Variants in SEMA5A observed in about 807,000 individuals in gnomAD.
SEMA5A encodes the protein semaphorin 5A.
Under a neutral mutation model 135.5 loss-of-function variants are expected in SEMA5A, and 55 were observed. That is an observed-to-expected ratio of 0.41 (90% CI 0.33 to 0.51). The LOEUF (loss-of-function observed/expected upper bound fraction) is 0.51. Ranked by LOEUF, SEMA5A falls within the 20% of genes least tolerant of loss-of-function variation. The pLI is 0.37. For synonymous variants in SEMA5A, 580 were observed against 546.5 expected (o/e 1.06, Z -0.85); for missense variants, 1,290 against 1,419.9 (o/e 0.91, Z 1.47).
At chr5:9,466,385 A>T (rs1322415845) in intron 1 of SEMA5A, among the ~76,000 whole-genome samples, 35 of 5,672 alleles carry the variant, frequency 6.2e-3, no homozygotes, top group East Asian at 0.037. Context: ...TAAAATTTAA[A>T]AAAAAAAAAA....
intron 1 of SEMA5A, among the ~76,000 whole-genome samples, chr5:9,451,766 T>C (rs1395035984): frequency 1.3e-5 from 2 of 152,168 alleles, no homozygotes; most frequent in Non-Finnish European, 2.9e-5. Context: ...GGGTAAGAAA[T>C]GGCCCAGGTT....
intron 12 of SEMA5A, among the ~76,000 whole-genome samples, chr5:9,150,018 A>C (rs1161155642): frequency 6.6e-6 from 1 of 152,150 alleles, no homozygotes; most frequent in Non-Finnish European, 1.5e-5. Flanking sequence ...TAATTTATTC[A>C]TTGTAGAGAC....
At chr5:9,196,944 T>A (rs1745417911) in intron 10 of SEMA5A, among the ~76,000 whole-genome samples, 1 of 152,192 alleles carries the variant, frequency 6.6e-6, no homozygotes, top group Admixed American at 6.5e-5. Flanking sequence ...GTCTCAGGCA[T>A]CACAGCTGAC....
chr5:9,254,555 G>A (rs983651350), intron 5 of SEMA5A, among the ~76,000 whole-genome samples: 13 of 152,154 alleles, frequency 8.5e-5, no homozygotes, highest in Non-Finnish European at 1.6e-4. Flanking sequence ...GGAATAAGCA[G>A]ATCTTGAAGC....
chr5:9,053,468 C>G (rs1736708452), intron 19 of SEMA5A, among the ~76,000 whole-genome samples: 1 of 152,156 alleles, frequency 6.6e-6, no homozygotes, highest in Admixed American at 6.5e-5. Context: ...AATTGCACTA[C>G]CTCTAAATTA....
At chr5:9,323,878 T>G (rs1752748910) in intron 4 of SEMA5A, among the ~76,000 whole-genome samples, 3 of 151,630 alleles carry the variant, frequency 2.0e-5, no homozygotes, top group Admixed American at 2.0e-4. Flanking sequence ...GCCAGGCTGG[T>G]CTTGAACTCC....
chr5:9,068,877 A>G (rs900393084), intron 16 of SEMA5A, among the ~76,000 whole-genome samples: 5 of 152,180 alleles, frequency 3.3e-5, no homozygotes, highest in Admixed American at 1.3e-4. Flanking sequence ...ACGGTAAAAG[A>G]CTACAAAGCA....
intron 1 of SEMA5A, among the ~76,000 whole-genome samples, chr5:9,544,348 A>T (rs1738254873): frequency 6.6e-6 from 1 of 152,226 alleles, no homozygotes; most frequent in South Asian, 2.1e-4. Flanking sequence ...AGTAAATGTA[A>T]CAGTCACAAG....
intron 11 of SEMA5A, among the ~76,000 whole-genome samples, chr5:9,168,327 A>C (rs1254960697): frequency 4.6e-5 from 7 of 152,130 alleles, no homozygotes; most frequent in African/African-American, 1.7e-4. Flanking sequence ...GGTGACTCTA[A>C]CTCAAAGGAT....
intron 15 of SEMA5A, among the ~76,000 whole-genome samples, chr5:9,110,136 A>T (rs1342771769): frequency 6.6e-6 from 1 of 152,216 alleles, no homozygotes; most frequent in East Asian, 1.9e-4. Flanking sequence ...ATTGAGAAGA[A>T]CAAAACATAA....
chr5:9,125,418 C>T (rs1294303683), intron 13 of SEMA5A, among the ~76,000 whole-genome samples: 2 of 152,164 alleles, frequency 1.3e-5, no homozygotes, highest in African/African-American at 4.8e-5. Flanking sequence ...TGGTGGTTTG[C>T]TGCATCTATC....
chr5:9,290,394 T>A (rs937167411), intron 5 of SEMA5A, among the ~76,000 whole-genome samples: 1 of 152,246 alleles, frequency 6.6e-6, no homozygotes, highest in Non-Finnish European at 1.5e-5. Flanking sequence ...CATTCATTTT[T>A]ATGATATACA....
chr5:9,164,922 A>G (rs1353817450), intron 11 of SEMA5A, among the ~76,000 whole-genome samples: 1 of 152,240 alleles, frequency 6.6e-6, no homozygotes, highest in African/African-American at 2.4e-5. Flanking sequence ...GAAAGGAAAC[A>G]CAGTGAATCC....
At chr5:9,339,641 T>C (rs1026077273) in intron 3 of SEMA5A, among the ~76,000 whole-genome samples, 20 of 152,064 alleles carry the variant, frequency 1.3e-4, no homozygotes, top group African/African-American at 4.3e-4. Context: ...GAAAAAGTAA[T>C]AGCAACTTAA....
chr5:9,394,483 G>C (rs917751590), intron 2 of SEMA5A, among the ~76,000 whole-genome samples: 1 of 152,114 alleles, frequency 6.6e-6, no homozygotes, highest in African/African-American at 2.4e-5. Context: ...CCAGAGCCTG[G>C]CCTGCTTGTT....
At chr5:9,070,417 T>C (rs1203912485) in intron 16 of SEMA5A, among the ~76,000 whole-genome samples, 1 of 152,182 alleles carries the variant, frequency 6.6e-6, no homozygotes, top group Non-Finnish European at 1.5e-5. Context: ...GGGCCTCTGT[T>C]TGAAAAGTGC....
chr5:9,282,611 A>G lies in SEMA5A; in HGVS notation c.270+35761T>C, dbSNP rs59206354. On this transcript the variant is annotated intron_variant, in intron 5 of 22. Coordinates refer to ENST00000382496, the MANE Select transcript of SEMA5A (RefSeq NM_003966.3). The stretch of plus-strand genomic sequence containing the variant: ...ACTTTTTCTAGAAAATAAGAAAAAA[A>G]CAGTATAATCTCAGAGGTTCACGGA... Among the ~76,000 whole-genome samples the G allele has an allele frequency of 5.7e-3, 868 of 152,342 alleles. 10 individuals are homozygous for G. Among genetic ancestry groups the G allele is most frequent in the African/African-American group, 0.02 (829 of 41,570 alleles).
In SEMA5A at chr5:9,107,866, T is replaced by C. The variant is rs1740006865; in HGVS notation, c.2073+274A>G. On this transcript the variant is annotated intron_variant, in intron 16 of 22. Transcript: ENST00000382496. The stretch of plus-strand genomic sequence containing the variant: ...CCTGGTACCTCCAGAGCATCTATTG[T>C]ATGGGGAACATCCAGTGTCTGGACA... Among the ~76,000 whole-genome samples, 4 of 152,184 alleles carry C rather than the reference T, an allele frequency of 2.6e-5. No individual in the cohort carries two copies. The South Asian group carries it at 8.3e-4, about 32-fold the overall frequency.
At chr5:9,414,776 C>T (rs1214804320) in intron 2 of SEMA5A, among the ~76,000 whole-genome samples, 3 of 152,142 alleles carry the variant, frequency 2.0e-5, no homozygotes, top group Non-Finnish European at 2.9e-5. Flanking sequence ...GGGAATGAAT[C>T]CCAGCTTCAT....
Sources: gnomAD v4.1 joint callset for allele counts (sites outside exome capture counted in the v4.1 genomes callset) on GRCh38, gnomAD v4.1.1 for gene constraint, MANE v1.5 for transcripts, NCBI Gene and HGNC (gene_info 2026-07-23, HGNC 2026-07-21) for gene names.